The following PIEZO1 variants were observed in gnomAD, a reference collection of about 807,000 sequenced individuals.
The protein encoded by PIEZO1 is piezo-type mechanosensitive ion channel component 1.
PIEZO1 carries 296 observed loss-of-function variants against 297.2 expected under a neutral mutation model. The observed-to-expected ratio is 1.00, with a 90% CI of 0.91 to 1.10. The LOEUF (loss-of-function observed/expected upper bound fraction) is 1.10. PIEZO1 is among the 50% of genes least tolerant of loss of function. The probability of loss-of-function intolerance (pLI) is 0.00; values close to 1 mark genes in which losing one functional copy is unlikely to be tolerated. For synonymous variants in PIEZO1, 2,427 were observed against 1,507.5 expected (o/e 1.61, Z -14.13); for missense variants, 5,018 against 3,455.5 (o/e 1.45, Z -11.34).
At position 88,736,687 on chromosome 16, in the gene PIEZO1, G is replaced by T; in HGVS notation, c.1248C>A (p.Gly416=). Residue 416 remains glycine (G), a synonymous_variant, in exon 11 of 51, where the codon GGC becomes GGA. Transcript: ENST00000301015. ...PREASPLHSL[G]HLIMDQSYVC... ...CATAGCTCTGGTCCATGATGAGGTG[G>T]CCCAGGCTGTGGAGCGGAGACGCCT... The T allele has an allele frequency of 6.5e-7, 1 of 1,532,876 alleles. No individual in the cohort carries two copies. The highest frequency in any genetic ancestry group is 8.7e-7 in the Non-Finnish European group (1 of 1,145,648). The allele number at this position is 1,532,876 out of a possible 1,614,324, so 95.0% of individuals were successfully genotyped here.
chr16:88,737,416 C>T (rs1360885208), intron 10 of PIEZO1, 143 bp downstream of exon 10: 3 of 599,884 alleles, frequency 5.0e-6, no homozygotes, highest in African/African-American at 1.9e-5. Context: ...GACACCGACC[C>T]GTGGATGTCC....
At chr16:88,765,729 C>T (rs910681522) in intron 1 of PIEZO1, among the ~76,000 whole-genome samples, 3 of 149,020 alleles carry the variant, frequency 2.0e-5, no homozygotes, top group Non-Finnish European at 4.4e-5. Flanking sequence ...GGCTGGAGTG[C>T]AGTGGCACAA....
At chr16:88,745,567 ACC>A (rs1905996791) in intron 2 of PIEZO1, 1 of 152,030 alleles carries the variant, frequency 6.6e-6, no homozygotes, top group African/African-American at 2.4e-5. Context: ...ACATGGTGAA[ACC>A]CTGTTTCTAC....
intron 1 of PIEZO1, among the ~76,000 whole-genome samples, chr16:88,771,228 C>T (rs1405848169): frequency 2.0e-5 from 3 of 152,022 alleles, no homozygotes. Context: ...CACCCAGTGA[C>T]CCCCCCTTGG....
In PIEZO1 at chr16:88,716,247, G is replaced by T; in HGVS notation, c.7080C>A (p.Ile2360=). The T allele has an allele frequency of 6.7e-7, 1 of 1,495,150 alleles. No homozygotes were observed. The highest frequency in any genetic ancestry group is 9.0e-7 in the Non-Finnish European group (1 of 1,116,904). The allele number at this position is 1,495,150 out of a possible 1,614,324, so 92.6% of individuals were successfully genotyped here. The change falls in exon 49 of 51, where the codon ATC becomes ATA. Residue 2360 remains isoleucine (I), a synonymous_variant. Transcript: ENST00000301015. ...TGGCTTCGGGCCCGTTGGGGGCACG[G>T]ATGTACTTGGGGAAGAGATTAGGGA... The part of the protein sequence containing the change: ...VVIPNLFPKY[I]RAPNGPEANP...
chr16:88,721,742 C>A lies in PIEZO1; in HGVS notation c.5215-16G>T. On this transcript the variant is annotated splice_polypyrimidine_tract_variant and intron_variant, in intron 37 of 50. Transcript: ENST00000301015. ...CCACCGCGATCTGTGGGGGAGGGGG[C>A]TCAGCACGCGGGGAGGGTCACGGCG... 1 of 1,535,980 alleles carries A rather than the reference C, an allele frequency of 6.5e-7. No individual in the cohort carries two copies. Among genetic ancestry groups the A allele is most frequent in the Non-Finnish European group, 8.8e-7 (1 of 1,140,114 alleles).
rs549984252 is a variant in PIEZO1 at position 88,721,156 on chromosome 16, G to C, written c.5668+10C>G. 4.7e-6 allele frequency: 7 copies of C among 1,483,212 alleles called. No individual in the cohort carries two copies. In the African/African-American group the frequency reaches 9.8e-5, roughly 21 times the overall value. 91.9% of individuals were successfully genotyped at this position (1,483,212 alleles called of 1,614,324 possible). The stretch of plus-strand genomic sequence containing the variant: ...GGTAGGCAGGAGGTTGTGAGGCAGG[G>C]CGCTTATACCGATGGCTGCCGCTCC... On this transcript the variant is annotated intron_variant, in intron 39 of 50. Coordinates refer to ENST00000301015, the MANE Select transcript of PIEZO1 (RefSeq NM_001142864.4).
chr16:88,734,840 C>A (rs1905096951), intron 14 of PIEZO1, 35 bp downstream of exon 14: 1 of 1,550,030 alleles, frequency 6.5e-7, no homozygotes, highest in African/African-American at 1.4e-5. Context: ...CGGGGAGGGT[C>A]CGTGCCCCAG....
At chr16:88,775,586 G>A (rs796326343) in intron 1 of PIEZO1, among the ~76,000 whole-genome samples, 16 of 152,144 alleles carry the variant, frequency 1.1e-4, no homozygotes, top group African/African-American at 2.9e-4. Flanking sequence ...AAAATTAGCC[G>A]GGTGTGGTGG....
intron 12 of PIEZO1, among the ~76,000 whole-genome samples, chr16:88,735,887 C>T (rs539278836): frequency 1.4e-4 from 21 of 152,150 alleles, no homozygotes; most frequent in Non-Finnish European, 2.5e-4. Context: ...GGGTGGTGCC[C>T]GTGCCAACAG....
rs766103130 is a variant in PIEZO1, at chr16:88,737,620, G to A, written c.1134C>T (p.Thr378=). The A allele has an allele frequency of 1.8e-5, 28 of 1,535,050 alleles. No individual in the cohort carries two copies. Among genetic ancestry groups the A allele is most frequent in the Admixed American group, 3.9e-5 (2 of 50,996 alleles). ...CGTGCACGATGCAGTTATCAGCCTC[G>A]GTGTCGGGTGCTGTGGGCACCACGT... ...DQHVVPTAPD[T]EADNCIVHEL... The change falls in exon 10 of 51, where the codon ACC becomes ACT. Residue 378 remains threonine (T), a synonymous_variant. Transcript: ENST00000301015.
At chr16:88,736,791 C>G (rs538276830) in intron 10 of PIEZO1, 52 bp from the exon 11 acceptor site, 13 of 1,129,650 alleles carry the variant, frequency 1.2e-5, no homozygotes, top group South Asian at 4.4e-5. Flanking sequence ...CAGGCCTCCC[C>G]ACCCTGACTA....
intron 1 of PIEZO1, 96 bp from the exon 2 acceptor site, chr16:88,749,575 G>A (rs538366204): frequency 2.6e-5 from 24 of 923,206 alleles, no homozygotes; most frequent in Admixed American, 1.0e-4. Flanking sequence ...TCACACCGCC[G>A]AGGCCGTGTG....
chr16:88,734,569 G>A, intron 15 of PIEZO1, 31 bp from the exon 16 acceptor site: 1 of 1,544,698 alleles, frequency 6.5e-7, no homozygotes, highest in Non-Finnish European at 8.7e-7. Flanking sequence ...CACCGGCCCG[G>A]CCCCCGGCAG....
chr16:88,775,740 A>G (rs540746930), intron 1 of PIEZO1, among the ~76,000 whole-genome samples: 1,672 of 151,666 alleles, frequency 0.011, 21 homozygotes, highest in South Asian at 0.033. Flanking sequence ...AAAAAAAAAA[A>G]AAAAGAAAAG....
intron 1 of PIEZO1, among the ~76,000 whole-genome samples, chr16:88,749,967 A>C (rs1025771744): frequency 1.8e-4 from 27 of 147,964 alleles, no homozygotes; most frequent in African/African-American, 6.8e-4. Flanking sequence ...GGCGGAGGTT[A>C]CACTGAGATG....
chr16:88,732,274 G>GCCGT (rs1904904391), intron 21 of PIEZO1, 61 bp downstream of exon 21: 1 of 1,424,308 alleles, frequency 7.0e-7, no homozygotes, highest in Admixed American at 2.0e-5. Flanking sequence ...GCACGGTGCA[G>GCCGT]CCGTCCCTCC....
rs768204845 is a variant in PIEZO1, at chr16:88,731,810, C to T, written c.3092G>A (p.Arg1031His). ...GGGCCAGAGGCGGGCAATGGCCTGG[C>T]GGTGCCTGCGGGTGAGGATGGCCAC... is the stretch of plus-strand genomic sequence containing the variant. Reference protein sequence around the residue: ...WLVAILTRRHRQAIARLWPNY... With the variant: ...WLVAILTRRHHQAIARLWPNY... Residue 1031 changes from arginine to histidine, a missense_variant, in exon 22 of 51, where the codon CGC becomes CAC. By Grantham distance (29) the Arg-to-His change is conservative. Transcript: ENST00000301015. 3.5e-5 allele frequency: 52 copies of T among 1,465,300 alleles called. 1 individual carries two copies. The highest frequency in any genetic ancestry group is 2.6e-4 in the South Asian group (21 of 82,022). 90.8% of individuals were successfully genotyped at this position (1,465,300 alleles called of 1,614,324 possible). A position where few individuals can be genotyped will look rare whatever the true frequency, so the allele number is the denominator to read the frequency against.
chr16:88,785,207 G>C lies in PIEZO1; in HGVS notation c.-243C>G, dbSNP rs1332656340. ...CGGCTCACTGGGGCCGAGCTGGGCC[G>C]GACGGCGGCTCCCGCCCTCCTCCGC... On this transcript the variant is annotated 5_prime_UTR_variant, in exon 1 of 51. Transcript: ENST00000301015. The C allele has an allele frequency of 4.1e-6, 1 of 241,232 alleles. No homozygotes were observed. Among genetic ancestry groups the C allele is most frequent in the African/African-American group, 2.3e-5 (1 of 43,676 alleles). The allele number at this position is 241,232 out of a possible 1,614,324, so 14.9% of individuals were successfully genotyped here.
Sources: gnomAD v4.1 joint callset for allele counts (sites outside exome capture counted in the v4.1 genomes callset) on GRCh38, gnomAD v4.1.1 for gene constraint, MANE v1.5 for transcripts, NCBI Gene and HGNC (gene_info 2026-07-23, HGNC 2026-07-21) for gene names.